Variants in CAPN7 observed in about 807,000 individuals in gnomAD.
CAPN7 encodes the protein calpain 7.
CAPN7 carries 72 observed loss-of-function variants against 115.2 expected under a neutral mutation model. That is an observed-to-expected ratio of 0.63 (90% CI 0.52 to 0.76). The LOEUF is 0.76. Ranked by LOEUF, CAPN7 falls within the 30% of genes least tolerant of loss-of-function variation. The pLI is 0.00. For synonymous variants in CAPN7, 344 were observed against 322.3 expected (o/e 1.07, Z -0.72); for missense variants, 905 against 971.5 (o/e 0.93, Z 0.91).
intron 7 of CAPN7, 65 bp from the exon 8 acceptor site, chr3:15,228,909 G>A (rs1028430954): frequency 5.1e-6 from 6 of 1,181,858 alleles, no homozygotes; most frequent in East Asian, 4.7e-5. Context: ...GGCAATGTAC[G>A]TATATTGCGG....
chr3:15,206,917 ACT>A (rs1355663787), intron 1 of CAPN7, among the ~76,000 whole-genome samples: 1 of 152,168 alleles, frequency 6.6e-6, no homozygotes, highest in African/African-American at 2.4e-5. Context: ...CTGTCACTTG[ACT>A]CTGATTTACA....
At chr3:15,230,881 A>C (rs1195264043) in intron 9 of CAPN7, among the ~76,000 whole-genome samples, 2 of 152,230 alleles carry the variant, frequency 1.3e-5, no homozygotes, top group African/African-American at 4.8e-5. Context: ...TTAGGTCAGA[A>C]GAGTGTATAT....
At position 15,229,041 on chromosome 3, in the gene CAPN7, A is replaced by G. The variant is rs2124947783; in HGVS notation, c.920A>G (p.Asn307Ser). The G allele has an allele frequency of 6.2e-7, 1 of 1,613,056 alleles. No homozygotes were observed. Among genetic ancestry groups the G allele is most frequent in the East Asian group, 2.2e-5 (1 of 44,850 alleles). ...AGTGCAGCTTATGAAAGACGTTTTA[A>G]TAAGAAGTTAATTACCGGGTAAAAA... is the stretch of plus-strand genomic sequence containing the variant. ...AISAAYERRF[N>S]KKLITGIIYP... is the part of the protein sequence containing the mutation. The change falls in exon 8 of 21, where the codon AAT becomes AGT. Residue 307 changes from asparagine to serine, a missense_variant. By Grantham distance (46) the Asn-to-Ser change is conservative (BLOSUM62 1). Transcript: ENST00000253693.
intron 5 of CAPN7, among the ~76,000 whole-genome samples, chr3:15,222,952 G>C (rs567613027): frequency 1.3e-5 from 2 of 152,214 alleles, no homozygotes; most frequent in African/African-American, 4.8e-5. Context: ...AGTTAATATA[G>C]ATAAATAAGC....
chr3:15,232,534 C>CAGTT lies in CAPN7; in HGVS notation c.1050_1053dup (p.Pro352ValfsTer4). On this transcript the variant is annotated frameshift_variant, in exon 10 of 21. Coordinates refer to ENST00000253693, the MANE Select transcript of CAPN7 (RefSeq NM_014296.3). LOFTEE classifies it high-confidence loss of function. ...CTTTCTCCAGGTGATAATTGATGACCAGTTACCTGTTGATCACAAGGGAGA... is the reference window on the plus strand; with the variant it reads ...CTTTCTCCAGGTGATAATTGATGACCAGTTAGTTACCTGTTGATCACAAGGGAGA... 6.2e-7 allele frequency: 1 copy of CAGTT among 1,607,242 alleles called. No individual in the cohort carries two copies. The highest frequency in any genetic ancestry group is 2.2e-5 in the East Asian group (1 of 44,466).
chr3:15,209,236 C>T (rs1234105983), intron 1 of CAPN7, among the ~76,000 whole-genome samples: 1 of 152,098 alleles, frequency 6.6e-6, no homozygotes, highest in Non-Finnish European at 1.5e-5. Context: ...TCTCAAACTC[C>T]CGACCTCAGG....
rs544047610 is a variant in CAPN7 at position 15,223,051 on chromosome 3, C to T, written c.639-424C>T. On this transcript the variant is annotated intron_variant, in intron 5 of 20. Transcript: ENST00000253693. ...ACCATAGCTGATATCTATGACACTT[C>T]CTTCTTCCACTACCCATTTCATGTC... Among the ~76,000 whole-genome samples the T allele has an allele frequency of 1.2e-4, 18 of 152,338 alleles. No individual in the cohort carries two copies. The South Asian group carries it at 3.1e-3, about 26-fold the overall frequency.
At chr3:15,249,853 C>T (rs1020858902) in intron 19 of CAPN7, among the ~76,000 whole-genome samples, 4 of 150,150 alleles carry the variant, frequency 2.7e-5, no homozygotes, top group Non-Finnish European at 5.9e-5. Flanking sequence ...CAACCTCCGC[C>T]TCCTGGGTTC....
At chr3:15,219,478 A>G (rs966281063) in intron 4 of CAPN7, among the ~76,000 whole-genome samples, 2 of 152,194 alleles carry the variant, frequency 1.3e-5, no homozygotes, top group African/African-American at 2.4e-5. Context: ...ATTCACAAAG[A>G]TACGAGTCCT....
At chr3:15,219,680 A>T (rs1010056520) in intron 4 of CAPN7, among the ~76,000 whole-genome samples, 1 of 152,154 alleles carries the variant, frequency 6.6e-6, no homozygotes, top group Non-Finnish European at 1.5e-5. Flanking sequence ...TGTACATGAA[A>T]TTTTTTTGCA....
At chr3:15,246,526 C>T (rs1269313191) in intron 17 of CAPN7, 1 of 528,084 alleles carries the variant, frequency 1.9e-6, no homozygotes, top group African/African-American at 2.0e-5. Flanking sequence ...GTGATTTGTC[C>T]TGAGGCATAC....
chr3:15,209,696 T>C (rs2044827532), intron 1 of CAPN7, among the ~76,000 whole-genome samples: 1 of 152,240 alleles, frequency 6.6e-6, no homozygotes, highest in African/African-American at 2.4e-5. Context: ...GTGTGTGTTT[T>C]GTGAAATAGC....
At chr3:15,247,550 T>C (rs1695739527) in intron 19 of CAPN7, 93 bp downstream of exon 19, 1 of 954,038 alleles carries the variant, frequency 1.0e-6, no homozygotes, top group Admixed American at 2.7e-5. Flanking sequence ...TAAGCATATA[T>C]GGACATTGGA....
rs1025364501 is a variant in CAPN7 at position 15,210,657 on chromosome 3, C to G, written c.103-1447C>G. On this transcript the variant is annotated intron_variant, in intron 1 of 20. Transcript: ENST00000253693. ...TCACCCAGGCTGGAGTGCAGTGGCC[C>G]GATCACAGCTCACTGCAGCCTCCAC... 8 of 358,116 alleles carry G rather than the reference C, an allele frequency of 2.2e-5. No individual in the cohort carries two copies. In the East Asian group the frequency reaches 5.7e-4, roughly 26 times the overall value. The allele number at this position is 358,116 out of a possible 1,614,324, so 22.2% of individuals were successfully genotyped here.
intron 7 of CAPN7, 137 bp from the exon 8 acceptor site, chr3:15,228,837 A>G (rs1004468756): frequency 5.3e-5 from 33 of 619,236 alleles, no homozygotes; most frequent in Non-Finnish European, 8.7e-5. Context: ...TTCCACATGT[A>G]CCCCCGAACC....
chr3:15,239,196 T>C (rs532230894), intron 12 of CAPN7, among the ~76,000 whole-genome samples: 2 of 152,322 alleles, frequency 1.3e-5, no homozygotes, highest in South Asian at 2.1e-4. Flanking sequence ...ATGAGTCTTA[T>C]GTCCAGAAAT....
intron 7 of CAPN7, 131 bp from the exon 8 acceptor site, chr3:15,228,843 G>T (rs1039698542): frequency 4.6e-6 from 3 of 648,082 alleles, no homozygotes; most frequent in Non-Finnish European, 8.0e-6. Flanking sequence ...ATGTACCCCC[G>T]AACCTAAAAT....
intron 2 of CAPN7, among the ~76,000 whole-genome samples, chr3:15,212,942 G>A (rs891496734): frequency 3.3e-5 from 5 of 152,160 alleles, no homozygotes; most frequent in Non-Finnish European, 7.3e-5. Context: ...GTAGATACGA[G>A]CAATTACAAG....
rs193010829 is a variant in CAPN7, at chr3:15,210,715, C to A, written c.103-1389C>A. 5,027 of 1,115,610 alleles carry A rather than the reference C, an allele frequency of 4.5e-3. 24 individuals carry two copies. The highest frequency in any genetic ancestry group is 0.023 in the Middle Eastern group (98 of 4,344). The allele number at this position is 1,115,610 out of a possible 1,614,324, so 69.1% of individuals were successfully genotyped here. On this transcript the variant is annotated intron_variant, in intron 1 of 20. Transcript: ENST00000253693. ...GGCTCAGGTGATCCTCCCGCCTCAG[C>A]CTCCTGAGTAGCTGGGACTACTTTG...
Sources: allele counts gnomAD v4.1 joint callset (sites outside exome capture counted in the v4.1 genomes callset), GRCh38; gene constraint gnomAD v4.1.1; transcripts MANE v1.5; gene names NCBI Gene and HGNC (gene_info 2026-07-23, HGNC 2026-07-21).